The following CRTC3 variants were observed in gnomAD, a reference collection of about 807,000 sequenced individuals.
CRTC3 encodes CREB-regulated transcription coactivator 3.
CRTC3 carries 26 observed loss-of-function variants against 74.5 expected under a neutral mutation model. The observed-to-expected ratio is 0.35, with a 90% CI of 0.26 to 0.48. CRTC3 has a LOEUF of 0.48. Ranked by LOEUF, CRTC3 falls within the 20% of genes least tolerant of loss-of-function variation. CRTC3 has a pLI of 0.99. For synonymous variants in CRTC3, 377 were observed against 325.8 expected, an observed-to-expected ratio of 1.16 and a Z score of -1.69; for missense variants, 760 against 787.3, an observed-to-expected ratio of 0.97 and a Z score of 0.41.
At chr15:90,620,598 G>A (rs1383365368) in intron 9 of CRTC3, among the ~76,000 whole-genome samples, 1 of 152,084 alleles carries the variant, frequency 6.6e-6, no homozygotes, top group African/African-American at 2.4e-5. Context: ...CAGCTGCTGG[G>A]GAGGTTCACA....
In CRTC3 at chr15:90,541,637, C is replaced by G. The variant is rs1249477230; in HGVS notation, c.231+1500C>G. Reference sequence around the variant, plus strand: ...GGATTTCATACTTCAGGAAATACAGCATTGTGCAAGTTTGCTGTGTCTGAG... The same window carrying G: ...GGATTTCATACTTCAGGAAATACAGGATTGTGCAAGTTTGCTGTGTCTGAG... On this transcript the variant is annotated intron_variant, in intron 2 of 14. Coordinates refer to ENST00000268184, the MANE Select transcript of CRTC3 (RefSeq NM_022769.5). Among the ~76,000 whole-genome samples, 5 of 152,176 alleles carry G rather than the reference C, an allele frequency of 3.3e-5. No individual in the cohort carries two copies. The South Asian group carries it at 8.3e-4, about 25-fold the overall frequency.
intron 2 of CRTC3, among the ~76,000 whole-genome samples, chr15:90,551,070 A>G (rs988226982): frequency 2.0e-5 from 3 of 152,154 alleles, no homozygotes; most frequent in Admixed American, 6.5e-5. Context: ...TCTTCATGCC[A>G]TCTGGACAGT....
chr15:90,643,315 G>T lies in CRTC3; in HGVS notation c.*1175G>T. 1 of 231,022 alleles carries T rather than the reference G, an allele frequency of 4.3e-6. No homozygotes were observed. Among genetic ancestry groups the T allele is most frequent in the Non-Finnish European group, 8.6e-6 (1 of 116,632 alleles). 14.3% of individuals were successfully genotyped at this position (231,022 alleles called of 1,614,324 possible). A position where few individuals can be genotyped will look rare whatever the true frequency, so the allele number is the denominator to read the frequency against. ...CAGAGCTTTAGCTTTTCTAGCACTC[G>T]TGCCTATGGTGAAGCATGCACTTTA... On this transcript the variant is annotated 3_prime_UTR_variant, in exon 15 of 15. Transcript: ENST00000268184.
Position 90,642,342 on chromosome 15 carries a change from T to C in CRTC3, c.*202T>C. On this transcript the variant is annotated 3_prime_UTR_variant, in exon 15 of 15. Coordinates refer to ENST00000268184, the MANE Select transcript of CRTC3 (RefSeq NM_022769.5). ...ACAGCTTTGTACTGCCTCTCCCGCC[T>C]GTGGCCAAAGTCGTGTTGCAGCAGG... 1.7e-6 allele frequency: 1 copy of C among 581,394 alleles called. No individual in the cohort carries two copies. The highest frequency in any genetic ancestry group is 2.9e-5 in the East Asian group (1 of 34,902). 36.0% of individuals were successfully genotyped at this position (581,394 alleles called of 1,614,324 possible).
intron 1 of CRTC3, among the ~76,000 whole-genome samples, chr15:90,534,957 T>C (rs1037958282): frequency 5.3e-5 from 8 of 151,910 alleles, no homozygotes; most frequent in African/African-American, 1.9e-4. Context: ...GTCAGGAGTT[T>C]GAGACCAGCC....
chr15:90,608,950 G>A (rs1321691617), intron 6 of CRTC3, among the ~76,000 whole-genome samples: 3 of 152,180 alleles, frequency 2.0e-5, no homozygotes, highest in East Asian at 1.9e-4. Context: ...GAAACTTTCA[G>A]GGCTGTGTAT....
intron 1 of CRTC3, among the ~76,000 whole-genome samples, chr15:90,536,882 A>G (rs1380851573): frequency 6.6e-6 from 1 of 152,250 alleles, no homozygotes; most frequent in Non-Finnish European, 1.5e-5. Context: ...CAGCGATGCC[A>G]TGCAAGAACA....
At chr15:90,585,930 T>TTCTG (rs1967649082) in intron 2 of CRTC3, among the ~76,000 whole-genome samples, 1 of 152,164 alleles carries the variant, frequency 6.6e-6, no homozygotes, top group South Asian at 2.1e-4. Flanking sequence ...TTTCTTTGCT[T>TTCTG]TCTGGCTCAC....
At chr15:90,626,105 T>C in intron 10 of CRTC3, 112 bp downstream of exon 10, 1 of 827,930 alleles carries the variant, frequency 1.2e-6, no homozygotes. Context: ...CAGTTAGAGA[T>C]GATAATGTAC....
At chr15:90,553,283 T>A (rs1330379948) in intron 2 of CRTC3, among the ~76,000 whole-genome samples, 1 of 152,208 alleles carries the variant, frequency 6.6e-6, no homozygotes, top group Admixed American at 6.5e-5. Context: ...ATGTGCTCAC[T>A]GGTTTGCCTT....
chr15:90,574,244 C>T (rs550006481), intron 2 of CRTC3, among the ~76,000 whole-genome samples: 8 of 151,924 alleles, frequency 5.3e-5, no homozygotes, highest in Non-Finnish European at 7.4e-5. Flanking sequence ...TTTGGGAGGC[C>T]GAGGTTGGTA....
intron 2 of CRTC3, among the ~76,000 whole-genome samples, chr15:90,572,305 T>C (rs1967289089): frequency 6.6e-6 from 1 of 152,158 alleles, no homozygotes; most frequent in South Asian, 2.1e-4. Flanking sequence ...AGTCTCTTAT[T>C]GAGAGACAAT....
At chr15:90,604,952 G>C (rs1968175625) in intron 5 of CRTC3, among the ~76,000 whole-genome samples, 1 of 152,150 alleles carries the variant, frequency 6.6e-6, no homozygotes, top group Non-Finnish European at 1.5e-5. Flanking sequence ...TAGCTAATAG[G>C]TGAAGGACTA....
chr15:90,556,564 G>A (rs1386503939), intron 2 of CRTC3, among the ~76,000 whole-genome samples: 1 of 152,098 alleles, frequency 6.6e-6, no homozygotes, highest in African/African-American at 2.4e-5. Flanking sequence ...TTAATCACAC[G>A]GGCCTAGAGG....
At chr15:90,605,839 T>C (rs1490007934) in intron 5 of CRTC3, among the ~76,000 whole-genome samples, 1 of 152,258 alleles carries the variant, frequency 6.6e-6, no homozygotes, top group Admixed American at 6.5e-5. Context: ...TATGATGAGA[T>C]AAATAGATAA....
chr15:90,611,464 T>A (rs1474894104), intron 6 of CRTC3, among the ~76,000 whole-genome samples: 1 of 152,166 alleles, frequency 6.6e-6, no homozygotes, highest in Admixed American at 6.5e-5. Context: ...CATTCCTTTT[T>A]CTTTTTAACC....
rs746102979 is a variant in CRTC3, at chr15:90,629,581, A to T, written c.1266+49A>T. 1.1e-5 allele frequency: 17 copies of T among 1,580,846 alleles called. No homozygotes were observed. The South Asian group carries it at 1.9e-4, about 18-fold the overall frequency. ...CCACTACAGTGAAACAGACTGCAAG[A>T]TATAGGAAGTGCATTCCTCCTCTTT... On this transcript the variant is annotated intron_variant, in intron 11 of 14. Coordinates refer to ENST00000268184, the MANE Select transcript of CRTC3 (RefSeq NM_022769.5).
chr15:90,588,429 A>G (rs960586537), intron 2 of CRTC3, among the ~76,000 whole-genome samples: 2 of 150,572 alleles, frequency 1.3e-5, no homozygotes, highest in African/African-American at 5.0e-5. Flanking sequence ...AATACCTTCT[A>G]CGTCTCTCCT....
At chr15:90,622,911 T>G (rs1236067665) in intron 9 of CRTC3, among the ~76,000 whole-genome samples, 1 of 152,178 alleles carries the variant, frequency 6.6e-6, no homozygotes, top group African/African-American at 2.4e-5. Context: ...ACAACCAAAA[T>G]GAGCCTTCTT....
Sources: gnomAD v4.1 joint callset for allele counts (sites outside exome capture counted in the v4.1 genomes callset) on GRCh38, gnomAD v4.1.1 for gene constraint, MANE v1.5 for transcripts, NCBI Gene and HGNC (gene_info 2026-07-23, HGNC 2026-07-21) for gene names.